Variants in EDNRB observed in about 807,000 individuals in gnomAD.
EDNRB encodes the protein endothelin receptor type B, also known as Hirschsprung disease 2.
Under a neutral mutation model 46.4 loss-of-function variants are expected in EDNRB, and 18 were observed. That is an observed-to-expected ratio of 0.39 (90% CI 0.27 to 0.57). The LOEUF is 0.57. Among genes scored for constraint, EDNRB ranks in the 20% least tolerant of loss-of-function variants. The pLI, the probability that EDNRB is intolerant of heterozygous loss-of-function variation, is 0.61. For synonymous variants in EDNRB, 213 were observed against 204.9 expected, an observed-to-expected ratio of 1.04 and a Z score of -0.34; for missense variants, 434 against 537.5, an observed-to-expected ratio of 0.81 and a Z score of 1.90.
chr13:77,929,972 TAAG>T (rs1207872066), intron 1 of EDNRB, among the ~76,000 whole-genome samples: 3 of 152,170 alleles, frequency 2.0e-5, no homozygotes, highest in Admixed American at 1.3e-4. Flanking sequence ...TGGAAGATAA[TAAG>T]AAGAGAACAC....
intron 1 of EDNRB, among the ~76,000 whole-genome samples, chr13:77,915,806 T>C (rs1343419752): frequency 6.6e-6 from 1 of 152,190 alleles, no homozygotes; most frequent in African/African-American, 2.4e-5. Context: ...GATTAATGGA[T>C]GGACAGATTT....
intron 1 of EDNRB, among the ~76,000 whole-genome samples, chr13:77,944,125 C>T (rs1351244580): frequency 6.6e-6 from 1 of 152,026 alleles, no homozygotes; most frequent in Non-Finnish European, 1.5e-5. Context: ...TCTCAAACTC[C>T]ATGTTTTTTT....
intron 1 of EDNRB, among the ~76,000 whole-genome samples, chr13:77,932,629 A>T (rs1286920806): frequency 6.6e-6 from 1 of 152,242 alleles, no homozygotes; most frequent in Non-Finnish European, 1.5e-5. Context: ...TCACACTTGT[A>T]ACCATATATT....
At chr13:77,911,828 AC>A (rs1879587100) in intron 1 of EDNRB, among the ~76,000 whole-genome samples, 1 of 152,094 alleles carries the variant, frequency 6.6e-6, no homozygotes, top group African/African-American at 2.4e-5. Flanking sequence ...GCTAAGGTAT[AC>A]CCACACACCA....
intron 1 of EDNRB, among the ~76,000 whole-genome samples, chr13:77,935,194 G>A (rs1400287437): frequency 1.3e-5 from 2 of 152,314 alleles, no homozygotes; most frequent in South Asian, 2.1e-4. Context: ...GTATTAGGGC[G>A]GCGGCGGCCG....
intron 1 of EDNRB, among the ~76,000 whole-genome samples, chr13:77,932,045 TA>T (rs1381475137): frequency 2.1e-5 from 2 of 94,726 alleles, no homozygotes; most frequent in African/African-American, 6.1e-5. Context: ...GTTGGTGAAT[TA>T]TTAAAAAAAA....
At chr13:77,917,835 G>C (rs1054669044) in intron 1 of EDNRB, among the ~76,000 whole-genome samples, 3 of 152,196 alleles carry the variant, frequency 2.0e-5, no homozygotes, top group African/African-American at 7.2e-5. Flanking sequence ...AACATTGCTA[G>C]ACTGGGGACT....
intron 1 of EDNRB, among the ~76,000 whole-genome samples, chr13:77,916,601 G>A (rs190638021): frequency 6.6e-6 from 1 of 152,258 alleles, no homozygotes; most frequent in Non-Finnish European, 1.5e-5. Flanking sequence ...TTAAAATATA[G>A]CTATTGGGTT....
upstream of EDNRB, among the ~76,000 whole-genome samples, chr13:77,924,442 G>T (rs748348503): frequency 2.6e-5 from 4 of 152,160 alleles, no homozygotes; most frequent in Non-Finnish European, 1.5e-5. Flanking sequence ...ACATGGCCAA[G>T]GTAACAGGTG....
At chr13:77,962,668 T>G (rs934686561) in intron 1 of EDNRB, among the ~76,000 whole-genome samples, 6 of 152,190 alleles carry the variant, frequency 3.9e-5, no homozygotes, top group Non-Finnish European at 8.8e-5. Flanking sequence ...AGTATCATAC[T>G]GAATGGGCAA....
At chr13:77,898,649 T>G (rs967195307) in intron 6 of EDNRB, among the ~76,000 whole-genome samples, 1 of 151,976 alleles carries the variant, frequency 6.6e-6, no homozygotes, top group Non-Finnish European at 1.5e-5. Flanking sequence ...CTTTTCCCCA[T>G]GAAAACAGAA....
chr13:77,896,820 C>T lies in EDNRB; in HGVS notation c.*1380G>A. Reference sequence around the variant, plus strand: ...CTTGTACATACTTTCACACACATCTCATCCCAAGCTATCCTAAGGCACTTT... The same window carrying T: ...CTTGTACATACTTTCACACACATCTTATCCCAAGCTATCCTAAGGCACTTT... On this transcript the variant is annotated 3_prime_UTR_variant, in exon 7 of 7. Transcript: ENST00000646607. The T allele has an allele frequency of 1.7e-6, 2 of 1,177,656 alleles. No homozygotes were observed. Among genetic ancestry groups the T allele is most frequent in the Non-Finnish European group, 2.1e-6 (2 of 952,290 alleles). The allele number at this position is 1,177,656 out of a possible 1,614,324, so 73.0% of individuals were successfully genotyped here.
intron 1 of EDNRB, among the ~76,000 whole-genome samples, chr13:77,962,212 C>G (rs574057650): frequency 6.6e-6 from 1 of 152,260 alleles, no homozygotes; most frequent in East Asian, 1.9e-4. Flanking sequence ...CAAGGAGGAG[C>G]TGGTACCATT....
In EDNRB at chr13:77,942,670, T is replaced by C. The variant is rs953311114; in HGVS notation, c.-51-24046A>G. 2.6e-5 allele frequency among the ~76,000 whole-genome samples: 4 copies of C among 152,140 alleles called. No individual in the cohort carries two copies. The East Asian group carries it at 7.7e-4, about 29-fold the overall frequency. ...TTATTCAACCTTAGAAATAACTGTA[T>C]TTACCCATATCTAACATCTAGATAA... On this transcript the variant is annotated intron_variant, in intron 1 of 7. Coordinates refer to the EDNRB transcript ENST00000646948.
chr13:77,918,014 A>G lies in EDNRB; in HGVS notation c.483+77T>C, dbSNP rs1879894950. 2 of 1,609,730 alleles carry G rather than the reference A, an allele frequency of 1.2e-6. No individual in the cohort carries two copies. Among genetic ancestry groups the G allele is most frequent in the Admixed American group, 3.3e-5 (2 of 59,992 alleles). On this transcript the variant is annotated intron_variant, in intron 1 of 6. Coordinates refer to ENST00000646607, the MANE Select transcript of EDNRB (RefSeq NM_001122659.3). This position sits in a 1 kb window ranked among gnomAD's most constrained non-coding sequence, Gnocchi z 4.5. ...AGGGAGCTAAAGGGAAGCTCCCTCT[A>G]CAAGCTTTCTCATCTCCCCGTCTCC...
chr13:77,952,776 G>C (rs1027509010), intron 1 of EDNRB, among the ~76,000 whole-genome samples: 2 of 152,064 alleles, frequency 1.3e-5, no homozygotes, highest in Admixed American at 6.6e-5. Context: ...TCCTATCAAG[G>C]GGCCCTTGTA....
chr13:77,940,386 G>C (rs539634870), intron 1 of EDNRB, among the ~76,000 whole-genome samples: 1 of 151,882 alleles, frequency 6.6e-6, no homozygotes, highest in Non-Finnish European at 1.5e-5. Context: ...ATGAGTAGAT[G>C]TTCTCCAGGT....
chr13:77,928,482 A>T (rs909482235), intron 1 of EDNRB, among the ~76,000 whole-genome samples: 26 of 152,212 alleles, frequency 1.7e-4, no homozygotes, highest in Admixed American at 2.6e-4. Flanking sequence ...TTAGCTAAAG[A>T]ATATGATATT....
At chr13:77,964,643 A>G (rs1473864134) in intron 1 of EDNRB, among the ~76,000 whole-genome samples, 2 of 152,110 alleles carry the variant, frequency 1.3e-5, no homozygotes, top group Non-Finnish European at 2.9e-5. Flanking sequence ...TGCGGAGAAG[A>G]AGGAGGGATA....
Sources: allele counts gnomAD v4.1 joint callset (sites outside exome capture counted in the v4.1 genomes callset), GRCh38; gene constraint gnomAD v4.1.1; non-coding constraint Gnocchi (gnomAD v3.1); transcripts MANE v1.5; gene names NCBI Gene and HGNC (gene_info 2026-07-23, HGNC 2026-07-21).